TPPP: variants seen among roughly 807,000 people sequenced by gnomAD.
TPPP encodes tubulin polymerization-promoting protein.
A neutral mutation model predicts 15.5 loss-of-function variants in TPPP; 6 were observed. The observed-to-expected ratio is 0.39, with a 90% CI of 0.21 to 0.77. The LOEUF (loss-of-function observed/expected upper bound fraction) is 0.77. TPPP is among the 30% of genes least tolerant of loss of function. The pLI is 0.42. For missense variants in TPPP, 269 were observed against 307.2 expected (o/e 0.88, Z 0.93); for synonymous variants, 146 against 133.9 (o/e 1.09, Z -0.63).
chr5:697,007 T>C (rs1298041388), upstream of TPPP, among the ~76,000 whole-genome samples: 2 of 142,888 alleles, frequency 1.4e-5, no homozygotes, highest in Non-Finnish European at 3.1e-5. Context: ...TGTGCCTGCG[T>C]GTGCCTGTGT....
upstream of TPPP, among the ~76,000 whole-genome samples, chr5:693,722 G>T (rs558720728): frequency 0.072 from 10,810 of 149,968 alleles, 1,062 homozygotes; most frequent in African/African-American, 0.25. Flanking sequence ...GCGCGTTGAC[G>T]GTGCGGCGGG....
At chr5:673,655 C>G (rs1012768008) in intron 2 of TPPP, among the ~76,000 whole-genome samples, 1 of 152,220 alleles carries the variant, frequency 6.6e-6, no homozygotes, top group Admixed American at 6.5e-5. Context: ...TCTGCTCCCC[C>G]AGACCTTGAC....
At chr5:693,602 G>C (rs1263385972), upstream of TPPP, among the ~76,000 whole-genome samples, 2 of 151,852 alleles carry the variant, frequency 1.3e-5, no homozygotes, top group South Asian at 4.2e-4. Context: ...CGCAGGGCGC[G>C]GCCGACCCGC....
the TPPP span, among the ~76,000 whole-genome samples, chr5:699,390 T>C: frequency 9.2e-5 from 14 of 152,046 alleles, no homozygotes; most frequent in African/African-American, 3.4e-4. Flanking sequence ...TTTCAATAAA[T>C]GGTGCTGGGA....
At chr5:685,822 C>G (rs992372990) in intron 1 of TPPP, among the ~76,000 whole-genome samples, 2 of 152,150 alleles carry the variant, frequency 1.3e-5, no homozygotes, top group African/African-American at 4.8e-5. Context: ...CAGAGAAAAC[C>G]CTCCCAGGCC....
chr5:669,517 G>A (rs1363515956), intron 2 of TPPP, among the ~76,000 whole-genome samples: 1 of 152,154 alleles, frequency 6.6e-6, no homozygotes, highest in African/African-American at 2.4e-5. Context: ...GCCGTCAAAG[G>A]CTCTCCTGTC....
At chr5:671,466 T>G (rs943479222) in intron 2 of TPPP, among the ~76,000 whole-genome samples, 1 of 152,144 alleles carries the variant, frequency 6.6e-6, no homozygotes, top group Non-Finnish European at 1.5e-5. Flanking sequence ...TTTCTGGCTG[T>G]TTGTTTGGAG....
At chr5:668,632 C>T (rs150258092) in intron 2 of TPPP, among the ~76,000 whole-genome samples, 5 of 152,370 alleles carry the variant, frequency 3.3e-5, no homozygotes, top group African/African-American at 1.2e-4. Flanking sequence ...GGCAGAGCCA[C>T]TGTGGACAGC....
In TPPP at chr5:664,906, T is replaced by G; in HGVS notation, c.*196A>C. 1.6e-6 allele frequency: 1 copy of G among 612,776 alleles called. No individual in the cohort carries two copies. Among genetic ancestry groups the G allele is most frequent in the Non-Finnish European group, 2.8e-6 (1 of 353,882 alleles). The allele number at this position is 612,776 out of a possible 1,614,324, so 38.0% of individuals were successfully genotyped here. On this transcript the variant is annotated 3_prime_UTR_variant, in exon 4 of 4. Coordinates refer to ENST00000360578, the MANE Select transcript of TPPP (RefSeq NM_007030.3). ...GGGTCAGCGAACTGGGGCCCAAACC[T>G]GGTTTGAGAGGGGAGTGCTGGGGGC...
chr5:697,396 A>C (rs1741033892), upstream of TPPP, among the ~76,000 whole-genome samples: 1 of 151,050 alleles, frequency 6.6e-6, no homozygotes, highest in Non-Finnish European at 1.5e-5. Context: ...ATGCGGGGAC[A>C]CGGCAACAGG....
At chr5:670,865 G>A (rs1305915361) in intron 2 of TPPP, among the ~76,000 whole-genome samples, 4 of 152,214 alleles carry the variant, frequency 2.6e-5, no homozygotes, top group African/African-American at 9.6e-5. Flanking sequence ...CAGCAGCTGA[G>A]CACCTGGGGG....
the TPPP span, among the ~76,000 whole-genome samples, chr5:699,203 A>G: frequency 6.6e-6 from 1 of 152,106 alleles, no homozygotes; most frequent in Non-Finnish European, 1.5e-5. Context: ...TAGAAGAACA[A>G]AGTTTCAGGC....
chr5:681,184 T>A (rs2126906980), intron 1 of TPPP, among the ~76,000 whole-genome samples: 2 of 152,264 alleles, frequency 1.3e-5, no homozygotes, highest in South Asian at 4.1e-4. Context: ...ACTTTCCCAG[T>A]TTCTGGGCAC....
Position 660,561 on chromosome 5 carries a change from T to G in TPPP, c.*4541A>C, listed in dbSNP as rs981250068. ...CCCCCTGTGCCATCCCCTCGTGGTG[T>G]GTGCTGTGGGGTGGGAGGGTGGCCA... On this transcript the variant is annotated 3_prime_UTR_variant, in exon 4 of 4. Coordinates refer to ENST00000360578, the MANE Select transcript of TPPP (RefSeq NM_007030.3). The G allele has an allele frequency of 6.6e-6, 1 of 152,440 alleles. No homozygotes were observed. 9.4% of individuals were successfully genotyped at this position (152,440 alleles called of 1,614,324 possible). A position where few individuals can be genotyped will look rare whatever the true frequency, so the allele number is the denominator to read the frequency against.
chr5:685,408 G>A (rs780118683), intron 1 of TPPP, among the ~76,000 whole-genome samples: 24 of 152,206 alleles, frequency 1.6e-4, no homozygotes, highest in African/African-American at 5.3e-4. Flanking sequence ...GGCGTCCTCC[G>A]GCCATCCTGC....
At chr5:684,535 G>A (rs1202102329) in intron 1 of TPPP, among the ~76,000 whole-genome samples, 1 of 151,918 alleles carries the variant, frequency 6.6e-6, no homozygotes, top group Non-Finnish European at 1.5e-5. Flanking sequence ...CGGAAGGAGT[G>A]GACAGAGCCC....
Position 663,871 on chromosome 5 carries a change from T to G in TPPP, c.*1231A>C, listed in dbSNP as rs1739787878. ...TGTGCGTGCCAAGGGACAGTGGCAGTGTGCCATTGTGACAGCGGGTGGCCA... is the reference window on the plus strand; with the variant it reads ...TGTGCGTGCCAAGGGACAGTGGCAGGGTGCCATTGTGACAGCGGGTGGCCA... On this transcript the variant is annotated 3_prime_UTR_variant, in exon 4 of 4. Coordinates refer to ENST00000360578, the MANE Select transcript of TPPP (RefSeq NM_007030.3). 1 of 152,426 alleles carries G rather than the reference T, an allele frequency of 6.6e-6. No homozygotes were observed. Among genetic ancestry groups the G allele is most frequent in the Middle Eastern group, 3.4e-3 (1 of 296 alleles). The allele number at this position is 152,426 out of a possible 1,614,324, so 9.4% of individuals were successfully genotyped here.
At chr5:686,790 C>G (rs917082707) in intron 1 of TPPP, among the ~76,000 whole-genome samples, 2 of 145,144 alleles carry the variant, frequency 1.4e-5, no homozygotes, top group Non-Finnish European at 3.1e-5. Context: ...ACACTGGAAC[C>G]TAATCCCCAT....
intron 2 of TPPP, among the ~76,000 whole-genome samples, chr5:674,287 G>A (rs1740328607): frequency 6.6e-6 from 1 of 152,222 alleles, no homozygotes; most frequent in Non-Finnish European, 1.5e-5. Context: ...AGCTGCCAGG[G>A]CCCAGGAGCA....
Sources: allele counts gnomAD v4.1 joint callset (sites outside exome capture counted in the v4.1 genomes callset), GRCh38; gene constraint gnomAD v4.1.1; transcripts MANE v1.5; gene names NCBI Gene and HGNC (gene_info 2026-07-23, HGNC 2026-07-21).